ST3GAL3: variants seen among roughly 807,000 people sequenced by gnomAD.
ST3GAL3 encodes CMP-N-acetylneuraminate-beta-1,4-galactoside alpha-2,3-sialyltransferase.
ST3GAL3 carries 21 observed loss-of-function variants against 50.1 expected under a neutral mutation model. The ratio of observed to expected loss-of-function variants is 0.42; its 90% CI spans 0.30 to 0.60. The LOEUF (loss-of-function observed/expected upper bound fraction) is 0.60. ST3GAL3 is among the 20% of genes least tolerant of loss of function. The pLI is 0.19. For synonymous variants in ST3GAL3, 183 were observed against 190.0 expected (o/e 0.96, Z 0.30); for missense variants, 353 against 489.4 (o/e 0.72, Z 2.63).
intron 3 of ST3GAL3, among the ~76,000 whole-genome samples, chr1:43,799,321 CTT>C (rs1186557954): frequency 6.6e-6 from 1 of 152,100 alleles, no homozygotes; most frequent in East Asian, 1.9e-4. Flanking sequence ...AGAGCTCTCT[CTT>C]ATTTTGTTTA....
At chr1:43,723,113 C>CTT (rs770769806) in intron 1 of ST3GAL3, among the ~76,000 whole-genome samples, 2 of 142,906 alleles carry the variant, frequency 1.4e-5, no homozygotes, top group African/African-American at 2.5e-5. Context: ...CTCTTCCCTC[C>CTT]TTTTTTTTTT....
Position 43,838,331 on chromosome 1 carries a change from T to A in ST3GAL3, c.302+20T>A, listed in dbSNP as rs1034616025. On this transcript the variant is annotated intron_variant, in intron 5 of 11. Transcript: ENST00000347631. ...CCCCCGGTAAGTGCTCCTGTTTCCC[T>A]CCACTGCCTAGACAGCCTGGTCTGG... 4 of 1,608,704 alleles carry A rather than the reference T, an allele frequency of 2.5e-6. No individual in the cohort carries two copies. Among genetic ancestry groups the A allele is most frequent in the Admixed American group, 3.3e-5 (2 of 59,952 alleles).
Position 43,736,394 on chromosome 1 carries a change from C to T in ST3GAL3, c.118+14C>T. The T allele has an allele frequency of 6.2e-7, 1 of 1,614,170 alleles. No homozygotes were observed. The highest frequency in any genetic ancestry group is 8.5e-7 in the Non-Finnish European group (1 of 1,180,024). ...AGGAGGACTCCAGTAAGTATAGTCACTCTAGCTCACCCCAGGAGAAGCCTG... is the reference window on the plus strand; with the variant it reads ...AGGAGGACTCCAGTAAGTATAGTCATTCTAGCTCACCCCAGGAGAAGCCTG... On this transcript the variant is annotated intron_variant, in intron 2 of 11. Transcript: ENST00000347631.
In ST3GAL3 at chr1:43,728,294, G is replaced by A. The variant is rs188368400; in HGVS notation, c.-30-7939G>A. Among the ~76,000 whole-genome samples the A allele has an allele frequency of 1.1e-3, 169 of 152,040 alleles. 1 individual carries two copies. The highest frequency in any genetic ancestry group is 3.9e-3 in the African/African-American group (162 of 41,464). ...ACGGAGGTTATCGTGAGCTGAAATC[G>A]CACCATTGCACTCCAGCCTGGGCAA... On this transcript the variant is annotated intron_variant, in intron 1 of 11. Transcript: ENST00000347631.
chr1:43,851,789 C>A (rs2067358213), intron 5 of ST3GAL3, among the ~76,000 whole-genome samples: 1 of 152,114 alleles, frequency 6.6e-6, no homozygotes, highest in Non-Finnish European at 1.5e-5. Context: ...AGCCTCAGTC[C>A]CACGCCGCCA....
chr1:43,749,457 AG>A (rs1685158233), intron 2 of ST3GAL3, among the ~76,000 whole-genome samples: 1 of 152,196 alleles, frequency 6.6e-6, no homozygotes, highest in Non-Finnish European at 1.5e-5. Flanking sequence ...CTGAATAAGG[AG>A]GCAAACAACC....
intron 2 of ST3GAL3, among the ~76,000 whole-genome samples, chr1:43,756,567 C>T (rs564808866): frequency 1.5e-4 from 23 of 152,134 alleles, no homozygotes; most frequent in Admixed American, 3.3e-4. Context: ...CACACACGCA[C>T]GCACACATTA....
Position 43,736,217 on chromosome 1 carries a change from A to G in ST3GAL3, c.-30-16A>G. On this transcript the variant is annotated splice_polypyrimidine_tract_variant and intron_variant, in intron 1 of 11. Coordinates refer to ENST00000347631, the MANE Select transcript of ST3GAL3 (RefSeq NM_006279.5). ...GAGTGCTTTGTCTTTTAAGAACTAAACTTTTTCTTTTCTAGGTCATTTAGG... is the reference window on the plus strand; with the variant it reads ...GAGTGCTTTGTCTTTTAAGAACTAAGCTTTTTCTTTTCTAGGTCATTTAGG... The G allele has an allele frequency of 6.2e-7, 1 of 1,611,792 alleles. No individual in the cohort carries two copies. Among genetic ancestry groups the G allele is most frequent in the Non-Finnish European group, 8.5e-7 (1 of 1,177,874 alleles).
intron 1 of ST3GAL3, among the ~76,000 whole-genome samples, chr1:43,736,011 G>T (rs1280305024): frequency 6.6e-6 from 1 of 152,182 alleles, no homozygotes; most frequent in African/African-American, 2.4e-5. Context: ...CGGCGGCTGG[G>T]GTGGGGAAGC....
chr1:43,746,154 A>G (rs1388949656), intron 2 of ST3GAL3, among the ~76,000 whole-genome samples: 2 of 152,232 alleles, frequency 1.3e-5, no homozygotes, highest in South Asian at 2.1e-4. Flanking sequence ...GTCCCAAAGA[A>G]GGAAGGAAAT....
At chr1:43,787,910 A>G (rs2057547902) in intron 2 of ST3GAL3, among the ~76,000 whole-genome samples, 2 of 152,244 alleles carry the variant, frequency 1.3e-5, no homozygotes, top group South Asian at 2.1e-4. Flanking sequence ...ATCATGAACT[A>G]TAAGGATGAC....
chr1:43,829,806 C>T lies in ST3GAL3; in HGVS notation c.210-8413C>T, dbSNP rs1573811580. ...GTATATAATAGTGGTCGTACTTATACCCAAAGGTAATCTTTTATTTACTTA... is the reference window on the plus strand; with the variant it reads ...GTATATAATAGTGGTCGTACTTATATCCAAAGGTAATCTTTTATTTACTTA... On this transcript the variant is annotated intron_variant, in intron 4 of 11. Transcript: ENST00000347631. Among the ~76,000 whole-genome samples, 3 of 151,974 alleles carry T rather than the reference C, an allele frequency of 2.0e-5. No individual in the cohort carries two copies. In the East Asian group the frequency reaches 5.8e-4, roughly 29 times the overall value.
At chr1:43,755,900 G>A (rs12076111) in intron 2 of ST3GAL3, among the ~76,000 whole-genome samples, 2,179 of 152,040 alleles carry the variant, frequency 0.014, 53 homozygotes, top group African/African-American at 0.05. Context: ...TTTGAGACCA[G>A]CCTGGGCAAC....
chr1:43,840,777 C>T (rs964847811), intron 5 of ST3GAL3: 2 of 152,170 alleles, frequency 1.3e-5, no homozygotes, highest in East Asian at 1.9e-4. Flanking sequence ...AAAGAACCTA[C>T]GTGATTATCA....
At chr1:43,903,547 G>A (rs1042778981) in intron 9 of ST3GAL3, among the ~76,000 whole-genome samples, 1 of 152,206 alleles carries the variant, frequency 6.6e-6, no homozygotes, top group African/African-American at 2.4e-5. Flanking sequence ...CCTAGGCTGG[G>A]TGGGTGTGGG....
intron 1 of ST3GAL3, among the ~76,000 whole-genome samples, chr1:43,731,428 G>A (rs1289799613): frequency 3.5e-5 from 5 of 143,844 alleles, no homozygotes; most frequent in African/African-American, 1.3e-4. Context: ...TCTGTCACTC[G>A]GGCTGGAGTG....
At chr1:43,795,026 C>T (rs926206638) in intron 3 of ST3GAL3, among the ~76,000 whole-genome samples, 1 of 152,076 alleles carries the variant, frequency 6.6e-6, no homozygotes, top group Non-Finnish European at 1.5e-5. Flanking sequence ...TTTTAGTGAC[C>T]TGAAGGGGTT....
chr1:43,850,930 G>T, intron 5 of ST3GAL3: 2 of 1,135,400 alleles, frequency 1.8e-6, no homozygotes, highest in Admixed American at 1.7e-5. Context: ...TCCATACTTT[G>T]CCCTCCTTTC....
intron 1 of ST3GAL3, among the ~76,000 whole-genome samples, chr1:43,734,297 CTTTTTTTTTTGT>C (rs981572391): frequency 2.2e-4 from 25 of 114,456 alleles, no homozygotes; most frequent in Middle Eastern, 5.1e-3. Flanking sequence ...TCTTCTTCTT[CTTTTTTTTTTGT>C]TTTTTTTTTT....
Sources: allele counts gnomAD v4.1 joint callset (sites outside exome capture counted in the v4.1 genomes callset), GRCh38; gene constraint gnomAD v4.1.1; transcripts MANE v1.5; gene names NCBI Gene and HGNC (gene_info 2026-07-23, HGNC 2026-07-21).